The following FABP6 variants were observed in gnomAD, a reference collection of about 807,000 sequenced individuals.
FABP6 encodes the protein fatty acid binding protein 6.
Under a neutral mutation model 14.9 loss-of-function variants are expected in FABP6, and 13 were observed. The observed-to-expected ratio is 0.87, with a 90% confidence interval of 0.57 to 1.39. FABP6 has a LOEUF of 1.39. Among genes scored for constraint, FABP6 ranks in the 40% most tolerant of loss-of-function variants. The pLI is 0.00. For synonymous variants in FABP6, 75 were observed against 63.6 expected, an observed-to-expected ratio of 1.18 and a Z score of -0.85; for missense variants, 161 against 167.2, an observed-to-expected ratio of 0.96 and a Z score of 0.20.
chr5:160,212,691 G>T (rs11954241), intron 2 of FABP6, among the ~76,000 whole-genome samples: 2 of 151,574 alleles, frequency 1.3e-5, no homozygotes, highest in Non-Finnish European at 2.9e-5. Context: ...GGCTGGTCTC[G>T]ATCTCCTGAC....
intron 2 of FABP6, among the ~76,000 whole-genome samples, chr5:160,207,143 C>T (rs564026798): frequency 1.4e-4 from 21 of 152,268 alleles, no homozygotes; most frequent in Admixed American, 4.6e-4. Context: ...TAGGGGATTC[C>T]AGTGGAAATG....
At chr5:160,228,347 C>T (rs1760296270), upstream of FABP6, 7 of 446,080 alleles carry the variant, frequency 1.6e-5, no homozygotes, top group South Asian at 1.1e-4. Context: ...GCCGAGATCA[C>T]ACCTTTGCAC....
rs114363165 is a variant in FABP6 at position 160,215,617 on chromosome 5, G to A, written c.135+1798G>A. ...GCAGAAGGATTGCCTGAGCCCAGGA[G>A]GTTGAGGTGGCAATGAGCCATGATT... On this transcript the variant is annotated intron_variant, in intron 3 of 6. Coordinates refer to the FABP6 transcript ENST00000393980. 3.0e-3 allele frequency among the ~76,000 whole-genome samples: 463 copies of A among 151,926 alleles called. 2 individuals are homozygous for A. The highest frequency in any genetic ancestry group is 0.01 in the African/African-American group (428 of 41,414).
chr5:160,226,655 A>G (rs1760254546), upstream of FABP6, among the ~76,000 whole-genome samples: 1 of 152,188 alleles, frequency 6.6e-6, no homozygotes, highest in Admixed American at 6.5e-5. Flanking sequence ...TGGGGGCAAT[A>G]ACAGTACATA....
intron 2 of FABP6, among the ~76,000 whole-genome samples, chr5:160,212,551 C>T (rs753122858): frequency 1.3e-5 from 2 of 152,028 alleles, no homozygotes; most frequent in African/African-American, 2.4e-5. Flanking sequence ...TCACTGCAAG[C>T]TCCGCCTCCC....
At chr5:160,229,821 T>TTTTTATTTTATTTTA (rs200570698) in intron 1 of FABP6, among the ~76,000 whole-genome samples, 197 bp downstream of exon 1, 9 of 128,028 alleles carry the variant, frequency 7.0e-5, no homozygotes, top group African/African-American at 2.4e-4. Context: ...CTCTTTAACT[T>TTTTTATTTTATTTTA]TTTTATTTTA....
At chr5:160,206,365 C>T (rs1228522164) in intron 2 of FABP6, among the ~76,000 whole-genome samples, 5 of 151,964 alleles carry the variant, frequency 3.3e-5, no homozygotes, top group African/African-American at 1.2e-4. Flanking sequence ...GAGGCAGAGG[C>T]TGGAGTGAGC....
chr5:160,189,259 A>AGACAAGAGTTTCACTCTT (rs1759349204), intron 1 of FABP6, among the ~76,000 whole-genome samples: 1 of 152,002 alleles, frequency 6.6e-6, no homozygotes, highest in African/African-American at 2.4e-5. Context: ...TTTTTTTCTG[A>AGACAAGAGTTTCACTCTT]GACAAGAGTT....
At position 160,199,167 on chromosome 5, in the gene FABP6, T is replaced by C. The variant is rs531102670; in HGVS notation, c.51+10T>C. ...GCAGGCGCTGACTCAGGTAGCTCCG[T>C]GAAGCTGGAAATAAGTCATTTGAGG... On this transcript the variant is annotated intron_variant, in intron 2 of 6. Coordinates refer to the FABP6 transcript ENST00000393980. The C allele has an allele frequency of 6.2e-6, 10 of 1,614,040 alleles. No individual in the cohort carries two copies. The African/African-American group carries it at 9.3e-5, about 15-fold the overall frequency.
chr5:160,200,392 C>T (rs2421727), intron 2 of FABP6, among the ~76,000 whole-genome samples: 97,910 of 151,144 alleles, frequency 0.65, 32,048 homozygotes, highest in Non-Finnish European at 0.71. Context: ...AGGATGCAAA[C>T]GCCCGTTGAG....
intron 2 of FABP6, among the ~76,000 whole-genome samples, chr5:160,201,965 T>C (rs1759649761): frequency 6.6e-6 from 1 of 152,164 alleles, no homozygotes; most frequent in Admixed American, 6.5e-5. Flanking sequence ...GATTTCACCA[T>C]GTTGCCCAAG....
At chr5:160,214,283 C>T (rs1341623978) in intron 3 of FABP6, among the ~76,000 whole-genome samples, 2 of 152,004 alleles carry the variant, frequency 1.3e-5, no homozygotes, top group African/African-American at 4.8e-5. Flanking sequence ...CCAGCCTCAG[C>T]CTCCCTATTA....
At chr5:160,187,470 A>AG (rs1759309733) in intron 1 of FABP6, 1 of 142,388 alleles carries the variant, frequency 7.0e-6, no homozygotes, top group South Asian at 2.4e-4. Flanking sequence ...GGGACTGTCC[A>AG]GGGAAGAGGG....
At chr5:160,218,509 G>A (rs1472631453) in intron 3 of FABP6, among the ~76,000 whole-genome samples, 1 of 144,978 alleles carries the variant, frequency 6.9e-6, no homozygotes. Flanking sequence ...CTCCTAGGCT[G>A]GAGTGCAAAG....
intron 1 of FABP6, chr5:160,197,930 GT>G (rs1759544999): frequency 2.3e-5 from 3 of 131,956 alleles, no homozygotes; most frequent in African/African-American, 9.1e-5. Context: ...TCGTGTGTGT[GT>G]GTGTGTGTGT....
upstream of FABP6, chr5:160,228,714 G>T: frequency 2.8e-6 from 1 of 356,620 alleles, no homozygotes. Context: ...AGGCCCATGG[G>T]TGGCTGCTTT....
At chr5:160,214,366 T>C (rs1389539835) in intron 3 of FABP6, among the ~76,000 whole-genome samples, 1 of 151,858 alleles carries the variant, frequency 6.6e-6, no homozygotes, top group Non-Finnish European at 1.5e-5. Flanking sequence ...AGTCTTGCTA[T>C]GTTGCTCAGG....
At chr5:160,237,760 G>A (rs1460729349) in intron 3 of FABP6, among the ~76,000 whole-genome samples, 1 of 152,134 alleles carries the variant, frequency 6.6e-6, no homozygotes, top group African/African-American at 2.4e-5. Context: ...GCTCTCCCCA[G>A]CCCCTCTGGA....
upstream of FABP6, chr5:160,228,777 G>T: frequency 3.3e-6 from 1 of 306,672 alleles, no homozygotes. Flanking sequence ...CTTCAAGTTT[G>T]CTTTGCTCCA....
Sources: gnomAD v4.1 joint callset for allele counts (sites outside exome capture counted in the v4.1 genomes callset) on GRCh38, gnomAD v4.1.1 for gene constraint, MANE v1.5 for transcripts, NCBI Gene and HGNC (gene_info 2026-07-23, HGNC 2026-07-21) for gene names.